The following EEFSEC variants were observed in gnomAD, a reference collection of about 807,000 sequenced individuals.
EEFSEC encodes eukaryotic elongation factor, selenocysteine-tRNA specific.
In EEFSEC, 43 loss-of-function variants were observed where a neutral mutation model predicts 42.1. That is an observed-to-expected ratio of 1.02 (90% CI 0.80 to 1.32). The LOEUF (loss-of-function observed/expected upper bound fraction) is 1.32, where lower values mean the gene tolerates loss of function less well. Among genes scored for constraint, EEFSEC ranks in the 40% most tolerant of loss-of-function variants. The pLI, the probability that EEFSEC is intolerant of heterozygous loss-of-function variation, is 0.00. For missense variants in EEFSEC, 745 were observed against 803.6 expected (o/e 0.93, Z 0.88); for synonymous variants, 354 against 339.1 (o/e 1.04, Z -0.48).
intron 4 of EEFSEC, among the ~76,000 whole-genome samples, chr3:128,316,264 A>G (rs905280126): frequency 1.3e-5 from 2 of 152,250 alleles, no homozygotes; most frequent in Non-Finnish European, 2.9e-5. Flanking sequence ...TGTTAAGAGC[A>G]TGCTCTGTGT....
intron 4 of EEFSEC, among the ~76,000 whole-genome samples, chr3:128,269,515 GACA>G (rs2066392367): frequency 6.6e-6 from 1 of 152,228 alleles, no homozygotes; most frequent in Non-Finnish European, 1.5e-5. Context: ...CAAACACAGT[GACA>G]TCCCTGTCAG....
chr3:128,302,430 G>T (rs781683071), intron 4 of EEFSEC, among the ~76,000 whole-genome samples: 3 of 152,108 alleles, frequency 2.0e-5, no homozygotes, highest in Non-Finnish European at 2.9e-5. Context: ...CCTGCAGGCC[G>T]ACTGATTTAA....
At chr3:128,299,699 G>T (rs961475893) in intron 4 of EEFSEC, among the ~76,000 whole-genome samples, 9 of 152,148 alleles carry the variant, frequency 5.9e-5, no homozygotes, top group Non-Finnish European at 8.8e-5. Context: ...TGACTCCCTT[G>T]TGTGTTCTTG....
chr3:128,183,047 A>G (rs552223525), intron 1 of EEFSEC, among the ~76,000 whole-genome samples: 2 of 152,116 alleles, frequency 1.3e-5, no homozygotes, highest in South Asian at 4.1e-4. Context: ...TTACCATTTT[A>G]CTAGCTGAAT....
the EEFSEC span, among the ~76,000 whole-genome samples, chr3:128,423,160 G>A: frequency 1.3e-3 from 196 of 152,360 alleles, no homozygotes; most frequent in African/African-American, 4.5e-3. Context: ...CTTCATGGCA[G>A]TCACTTGGGA....
At chr3:128,219,160 C>T (rs959276989) in intron 1 of EEFSEC, among the ~76,000 whole-genome samples, 1 of 152,218 alleles carries the variant, frequency 6.6e-6, no homozygotes, top group African/African-American at 2.4e-5. Context: ...TGCAGTGGTA[C>T]CATTTCCCCA....
chr3:128,293,986 C>G (rs2066675531), intron 4 of EEFSEC, among the ~76,000 whole-genome samples: 1 of 152,144 alleles, frequency 6.6e-6, no homozygotes, highest in East Asian at 1.9e-4. Flanking sequence ...GCTGCTTCTC[C>G]CCTTTGGACG....
chr3:128,228,947 T>G (rs2065933929), intron 1 of EEFSEC, among the ~76,000 whole-genome samples: 1 of 152,166 alleles, frequency 6.6e-6, no homozygotes, highest in Non-Finnish European at 1.5e-5. Flanking sequence ...CCAGAGGAAA[T>G]TCCAGCCTGG....
At chr3:128,197,768 A>G (rs756592865) in intron 1 of EEFSEC, among the ~76,000 whole-genome samples, 1 of 152,114 alleles carries the variant, frequency 6.6e-6, no homozygotes, top group Non-Finnish European at 1.5e-5. Context: ...TGTGTTCTGC[A>G]TCATCATCAG....
At chr3:128,422,161 G>A in the EEFSEC span, among the ~76,000 whole-genome samples, 1 of 152,098 alleles carries the variant, frequency 6.6e-6, no homozygotes, top group Non-Finnish European at 1.5e-5. Flanking sequence ...GCAGAGCCTG[G>A]GCCAGTGCTC....
intron 4 of EEFSEC, among the ~76,000 whole-genome samples, chr3:128,282,268 G>A (rs1024508935): frequency 2.6e-5 from 4 of 152,256 alleles, no homozygotes; most frequent in Non-Finnish European, 4.4e-5. Context: ...CAAGCCAGGA[G>A]TGCATCAGCT....
At chr3:128,267,224 C>A (rs1015373210) in intron 4 of EEFSEC, among the ~76,000 whole-genome samples, 11 of 152,212 alleles carry the variant, frequency 7.2e-5, no homozygotes, top group Middle Eastern at 3.4e-3. Context: ...GGTAAGGAGG[C>A]AGGGATGTTC....
At chr3:128,271,592 T>G in intron 4 of EEFSEC, among the ~76,000 whole-genome samples, 1 of 152,066 alleles carries the variant, frequency 6.6e-6, no homozygotes, top group East Asian at 1.9e-4. Context: ...CCAGGAAGGT[T>G]TTGGGAAAGC....
At chr3:128,188,193 G>T (rs900321576) in intron 1 of EEFSEC, among the ~76,000 whole-genome samples, 1 of 152,124 alleles carries the variant, frequency 6.6e-6, no homozygotes, top group African/African-American at 2.4e-5. Context: ...CGAAACCCAA[G>T]TTAGGAAATA....
At chr3:128,187,851 G>T (rs1361593636) in intron 1 of EEFSEC, among the ~76,000 whole-genome samples, 4 of 152,226 alleles carry the variant, frequency 2.6e-5, no homozygotes, top group Non-Finnish European at 5.9e-5. Flanking sequence ...AGCAATGAGA[G>T]ATTCAGTTTC....
intron 4 of EEFSEC, among the ~76,000 whole-genome samples, chr3:128,303,451 TC>T (rs1212421441): frequency 6.6e-6 from 1 of 152,238 alleles, no homozygotes; most frequent in African/African-American, 2.4e-5. Context: ...TCCTTGCTAC[TC>T]CATTTGCATT....
intron 4 of EEFSEC, among the ~76,000 whole-genome samples, chr3:128,339,762 A>G (rs985561559): frequency 1.3e-5 from 2 of 152,170 alleles, no homozygotes; most frequent in African/African-American, 4.8e-5. Flanking sequence ...AAGACTGGGT[A>G]ATTTATTTTT....
chr3:128,280,407 G>T (rs2066513530), intron 4 of EEFSEC, among the ~76,000 whole-genome samples: 1 of 152,246 alleles, frequency 6.6e-6, no homozygotes, highest in Non-Finnish European at 1.5e-5. Context: ...GTCCTTCCCT[G>T]TTCTCTCTCA....
intron 1 of EEFSEC, among the ~76,000 whole-genome samples, chr3:128,235,155 C>T (rs2065995218): frequency 6.6e-6 from 1 of 152,026 alleles, no homozygotes; most frequent in African/African-American, 2.4e-5. Flanking sequence ...ACCTCTGCCT[C>T]CTTGGTTCAA....
Sources: gnomAD v4.1 joint callset for allele counts (sites outside exome capture counted in the v4.1 genomes callset) on GRCh38, gnomAD v4.1.1 for gene constraint, MANE v1.5 for transcripts, NCBI Gene and HGNC (gene_info 2026-07-23, HGNC 2026-07-21) for gene names.